Variants in FZD3 observed in about 807,000 individuals in gnomAD.
FZD3 encodes frizzled-3.
In FZD3, 30 loss-of-function variants were observed where a neutral mutation model predicts 60.7. The ratio of observed to expected loss-of-function variants is 0.49; its 90% CI spans 0.37 to 0.67. The LOEUF (loss-of-function observed/expected upper bound fraction) is 0.67, where lower values mean the gene tolerates loss of function less well. Ranked by LOEUF, FZD3 falls within the 30% of genes least tolerant of loss-of-function variation. The pLI, the probability that FZD3 is intolerant of heterozygous loss-of-function variation, is 0.00. For missense variants in FZD3, 605 were observed against 838.7 expected (o/e 0.72, Z 3.44); for synonymous variants, 246 against 275.2 (o/e 0.89, Z 1.05).
intron 5 of FZD3, among the ~76,000 whole-genome samples, chr8:28,550,481 CTTTTTTTT>C (rs386412443): frequency 2.9e-5 from 1 of 34,338 alleles, no homozygotes; most frequent in Non-Finnish European, 4.7e-5. Flanking sequence ...CTTCTTTTAT[CTTTTTTTT>C]TTTTTTTTTT....
intron 3 of FZD3, among the ~76,000 whole-genome samples, chr8:28,516,371 T>C (rs1257479066): frequency 6.6e-6 from 1 of 152,240 alleles, no homozygotes; most frequent in Non-Finnish European, 1.5e-5. Flanking sequence ...TTGTTTTGGC[T>C]ATTCAGAGTC....
In FZD3 at chr8:28,499,412, A is replaced by G. The variant is rs970580999; in HGVS notation, c.-390-521A>G. On this transcript the variant is annotated intron_variant, in intron 1 of 7. Transcript: ENST00000240093. ...GGTTATACCATAATTTATTTAACCAATTTCTTATTGGTAGACTTTTCAGTT... is the reference window on the plus strand; with the variant it reads ...GGTTATACCATAATTTATTTAACCAGTTTCTTATTGGTAGACTTTTCAGTT... Among the ~76,000 whole-genome samples, 5 of 152,090 alleles carry G rather than the reference A, an allele frequency of 3.3e-5. No homozygotes were observed. The East Asian group carries it at 7.7e-4, about 23-fold the overall frequency.
At chr8:28,534,329 G>T (rs1461985422) in intron 5 of FZD3, among the ~76,000 whole-genome samples, 1 of 152,090 alleles carries the variant, frequency 6.6e-6, no homozygotes, top group Non-Finnish European at 1.5e-5. Flanking sequence ...TCCATTTCCA[G>T]TAACTTTTTC....
chr8:28,549,540 C>G (rs979714464), intron 5 of FZD3, among the ~76,000 whole-genome samples: 8 of 152,142 alleles, frequency 5.3e-5, no homozygotes, highest in African/African-American at 1.7e-4. Flanking sequence ...CTCCTCCTTT[C>G]TAGTTTTTAT....
In FZD3 at chr8:28,555,942, C is replaced by T. The variant is rs762870221; in HGVS notation, c.1758C>T (p.His586=). Residue 586 remains histidine, a synonymous_variant, in exon 7 of 8, where the codon CAC becomes CAT. Transcript: ENST00000240093. ...TCCACAGCAAAGTGAGCAGCTACCACGGCAGCCTCCACAGATCACGTGATG... is the reference window on the plus strand; with the variant it reads ...TCCACAGCAAAGTGAGCAGCTACCATGGCAGCCTCCACAGATCACGTGATG... ...GSIHSKVSSY[H]GSLHRSRDGR... is the part of the protein sequence containing the mutation. 52 of 1,612,610 alleles carry T rather than the reference C, an allele frequency of 3.2e-5. No homozygotes were observed. Among genetic ancestry groups the T allele is most frequent in the Admixed American group, 1.2e-4 (7 of 59,952 alleles).
intron 7 of FZD3, among the ~76,000 whole-genome samples, chr8:28,559,024 C>T (rs544494661): frequency 1.3e-5 from 2 of 152,196 alleles, no homozygotes; most frequent in Non-Finnish European, 2.9e-5. Flanking sequence ...AGATGTAGAA[C>T]TGCAGGAAAG....
Position 28,564,971 on chromosome 8 carries a change from G to A in FZD3, c.*1960G>A, listed in dbSNP as rs4732863. 0.53 allele frequency: 80,807 copies of A among 151,918 alleles called. 22,019 individuals are homozygous for A. Among genetic ancestry groups the A allele is most frequent in the South Asian group, 0.63 (3,053 of 4,818 alleles). The allele number at this position is 151,918 out of a possible 1,614,324, so 9.4% of individuals were successfully genotyped here. The stretch of plus-strand genomic sequence containing the variant: ...ACTGTAAAGCATTATGAATGATAAG[G>A]GATTAGGTTATTGTGGATTTAAGAG... On this transcript the variant is annotated 3_prime_UTR_variant, in exon 8 of 8. Coordinates refer to ENST00000240093, the MANE Select transcript of FZD3 (RefSeq NM_017412.4).
intron 7 of FZD3, among the ~76,000 whole-genome samples, chr8:28,558,548 A>G (rs775840787): frequency 5.9e-5 from 9 of 152,006 alleles, no homozygotes; most frequent in Non-Finnish European, 1.3e-4. Flanking sequence ...CTCATGCCTC[A>G]GCCCCCTGAG....
At chr8:28,552,844 A>G (rs1204416290) in intron 6 of FZD3, among the ~76,000 whole-genome samples, 1 of 152,176 alleles carries the variant, frequency 6.6e-6, no homozygotes, top group Non-Finnish European at 1.5e-5. Context: ...TCAGCCAACA[A>G]TGGATCAAAA....
At chr8:28,550,437 GTTT>G (rs1554539571) in intron 5 of FZD3, among the ~76,000 whole-genome samples, 4 of 79,582 alleles carry the variant, frequency 5.0e-5, no homozygotes, top group Non-Finnish European at 8.0e-5. Flanking sequence ...TAGTTCTGCT[GTTT>G]TTTTTTTTTT....
chr8:28,498,997 T>C (rs1385246152), intron 1 of FZD3, among the ~76,000 whole-genome samples: 1 of 152,252 alleles, frequency 6.6e-6, no homozygotes, highest in African/African-American at 2.4e-5. Context: ...CTTTTCTTAC[T>C]AGGTACAGTA....
At chr8:28,524,948 A>G (rs898199508) in intron 4 of FZD3, among the ~76,000 whole-genome samples, 7 of 152,078 alleles carry the variant, frequency 4.6e-5, no homozygotes, top group African/African-American at 1.7e-4. Flanking sequence ...CATTGATCTT[A>G]ACTCCCACAT....
At chr8:28,550,713 A>G (rs561540901) in intron 5 of FZD3, among the ~76,000 whole-genome samples, 1 of 151,970 alleles carries the variant, frequency 6.6e-6, no homozygotes, top group Admixed American at 6.6e-5. Flanking sequence ...GCTGGTCTTG[A>G]ACCCCTGACC....
At chr8:28,549,775 A>G (rs1805370651) in intron 5 of FZD3, among the ~76,000 whole-genome samples, 2 of 152,206 alleles carry the variant, frequency 1.3e-5, no homozygotes, top group Non-Finnish European at 2.9e-5. Context: ...GCTTTTAAAA[A>G]TCAAGAATGA....
At chr8:28,532,887 C>G (rs985204266) in intron 5 of FZD3, among the ~76,000 whole-genome samples, 8 of 152,180 alleles carry the variant, frequency 5.3e-5, no homozygotes, top group African/African-American at 1.4e-4. Flanking sequence ...GCTGCCTACT[C>G]TTGGAAAGGA....
chr8:28,573,075 G>A lies in FZD3; in HGVS notation c.*10064G>A, dbSNP rs1805834082. On this transcript the variant is annotated 3_prime_UTR_variant, in exon 8 of 8. Coordinates refer to ENST00000240093, the MANE Select transcript of FZD3 (RefSeq NM_017412.4). Reference sequence around the variant, plus strand: ...ACTTTGATCTCTCAATAATTGCTTGGTACACTTCTTCCTAGGCAATATGCT... The same window carrying A: ...ACTTTGATCTCTCAATAATTGCTTGATACACTTCTTCCTAGGCAATATGCT... 1 of 151,952 alleles carries A rather than the reference G, an allele frequency of 6.6e-6. No homozygotes were observed. The highest frequency in any genetic ancestry group is 1.5e-5 in the Non-Finnish European group (1 of 67,960). 9.4% of individuals were successfully genotyped at this position (151,952 alleles called of 1,614,324 possible). A position where few individuals can be genotyped will look rare whatever the true frequency, so the allele number is the denominator to read the frequency against.
intron 7 of FZD3, 85 bp downstream of exon 7, chr8:28,556,056 T>C: frequency 1.1e-6 from 1 of 871,950 alleles, no homozygotes; most frequent in South Asian, 1.6e-5. Context: ...AATTCTGAAA[T>C]AGAAGTCGAA....
chr8:28,534,933 T>G (rs979970384), intron 5 of FZD3, among the ~76,000 whole-genome samples: 3 of 152,182 alleles, frequency 2.0e-5, no homozygotes, highest in Non-Finnish European at 4.4e-5. Context: ...TAATAAGAAG[T>G]TTTTTAAATG....
chr8:28,531,475 TTTCA>T lies in FZD3; in HGVS notation c.1404+3314_1404+3317del, dbSNP rs143160892. ...TTTTCAGTGAATATTCTTGTAACAC[TTTCA>T]TTTCTTAAATATGAACAAGAGTTTC... On this transcript the variant is annotated intron_variant, in intron 5 of 7. Transcript: ENST00000240093. Among the ~76,000 whole-genome samples, 770 of 152,286 alleles carry T rather than the reference TTTCA, an allele frequency of 5.1e-3. 4 individuals are homozygous for T. The highest frequency in any genetic ancestry group is 0.016 in the African/African-American group (646 of 41,562).
Sources: allele counts gnomAD v4.1 joint callset (sites outside exome capture counted in the v4.1 genomes callset), GRCh38; gene constraint gnomAD v4.1.1; transcripts MANE v1.5; gene names NCBI Gene and HGNC (gene_info 2026-07-23, HGNC 2026-07-21).